Variants in PHF21A observed in about 807,000 individuals in gnomAD.
The protein encoded by PHF21A is BHC80a.
A neutral mutation model predicts 82.5 loss-of-function variants in PHF21A; 11 were observed. The observed-to-expected ratio is 0.13, with a 90% CI of 0.08 to 0.22. The LOEUF is 0.22. PHF21A is among the 10% of genes least tolerant of loss of function. PHF21A has a pLI of 1.00. For missense variants in PHF21A, 579 were observed against 837.8 expected (o/e 0.69, Z 3.81); for synonymous variants, 297 against 302.8 (o/e 0.98, Z 0.20).
chr11:45,980,822 C>T (rs1460963330), intron 6 of PHF21A, among the ~76,000 whole-genome samples: 1 of 152,166 alleles, frequency 6.6e-6, no homozygotes, highest in Non-Finnish European at 1.5e-5. Flanking sequence ...ATAAACAACA[C>T]ATTCTAAATT....
At position 45,938,213 on chromosome 11, in the gene PHF21A, G is replaced by T. The variant is rs760258324; in HGVS notation, c.1552C>A (p.Pro518Thr). The change falls in exon 16 of 19, where the codon CCC becomes ACC. Residue 518 changes from proline to threonine, a missense_variant. Pro to Thr is a conservative substitution (Grantham distance 38). Transcript: ENST00000676320. ...CCCTTGGGAATTGTTTTCAGAGGGGGGTCTAAGCAGTCCAAATGATATACA... is the reference window on the plus strand; with the variant it reads ...CCCTTGGGAATTGTTTTCAGAGGGGTGTCTAAGCAGTCCAAATGATATACA... ...SRVYHLDCLDPPLKTIPKGMW... is the reference protein window; with the variant it reads ...SRVYHLDCLDTPLKTIPKGMW... 6.2e-7 allele frequency: 1 copy of T among 1,608,792 alleles called. No individual in the cohort carries two copies. Among genetic ancestry groups the T allele is most frequent in the Non-Finnish European group, 8.5e-7 (1 of 1,177,826 alleles).
chr11:46,082,505 T>C (rs1229602310), intron 4 of PHF21A, among the ~76,000 whole-genome samples: 1 of 152,210 alleles, frequency 6.6e-6, no homozygotes, highest in African/African-American at 2.4e-5. Context: ...TAAAATATTA[T>C]TGACATATAA....
rs139491575 is a variant in PHF21A at position 45,965,458 on chromosome 11, C to T, written c.853G>A (p.Val285Ile). The T allele has an allele frequency of 7.9e-5, 127 of 1,613,714 alleles. No individual in the cohort carries two copies. Among genetic ancestry groups the T allele is most frequent in the Non-Finnish European group, 1.1e-4 (125 of 1,179,968 alleles). The change falls in exon 10 of 19, where the codon GTC becomes ATC. Residue 285 changes from valine to isoleucine, a missense_variant. Val to Ile is a conservative substitution (Grantham distance 29). Around this residue, in one of 3 missense-constraint regions of PHF21A, gnomAD observed 410 missense variants for 642.1 expected, o/e 0.64. Coordinates refer to ENST00000676320, the MANE Select transcript of PHF21A (RefSeq NM_001352027.3). ...LPTSQNSIHPVRVVNGQTATI... is the reference protein window; with the variant it reads ...LPTSQNSIHPIRVVNGQTATI... ...GCAGTCTGCCCATTGACGACACGGA[C>T]GGGGTGGATGGAATTCTGGGATGTG...
chr11:45,973,200 G>A (rs78361352), intron 7 of PHF21A, among the ~76,000 whole-genome samples: 3,159 of 152,254 alleles, frequency 0.021, 104 homozygotes, highest in African/African-American at 0.07. Context: ...GTCAAAAGTC[G>A]CATGTGGTTA....
At chr11:46,096,752 G>T (rs2097002513) in intron 1 of PHF21A, among the ~76,000 whole-genome samples, 1 of 150,558 alleles carries the variant, frequency 6.6e-6, no homozygotes, top group South Asian at 2.1e-4. Context: ...GCTATAGAAG[G>T]ATCTACACAC....
At chr11:45,968,918 C>T (rs891583552) in intron 9 of PHF21A, among the ~76,000 whole-genome samples, 6 of 119,666 alleles carry the variant, frequency 5.0e-5, no homozygotes, top group African/African-American at 1.7e-4. Context: ...GCGATGGGAG[C>T]GAAACTCCAT....
intron 18 of PHF21A, chr11:45,935,155 A>C: frequency 7.8e-7 from 1 of 1,289,560 alleles, no homozygotes; most frequent in Middle Eastern, 2.1e-4. Context: ...CCGCTTCCTC[A>C]CACTGGTCAG....
chr11:45,946,011 C>G lies in PHF21A; in HGVS notation c.1289-8G>C. 6.2e-7 allele frequency: 1 copy of G among 1,613,684 alleles called. No individual in the cohort carries two copies. The highest frequency in any genetic ancestry group is 1.6e-4 in the Middle Eastern group (1 of 6,062). On this transcript the variant is annotated splice_region_variant and splice_polypyrimidine_tract_variant and intron_variant, in intron 14 of 18. Coordinates refer to ENST00000676320, the MANE Select transcript of PHF21A (RefSeq NM_001352027.3). ...TGTATTTTGGAGGACGACCTATATA[C>G]CAAGAGAAGGGAACAAAAGGGAAAA... is the stretch of plus-strand genomic sequence containing the variant.
At chr11:45,943,236 C>A (rs917828465) in intron 15 of PHF21A, among the ~76,000 whole-genome samples, 5 of 151,688 alleles carry the variant, frequency 3.3e-5, no homozygotes, top group African/African-American at 7.3e-5. Context: ...GATCCTCCCA[C>A]CTCAGCCTTG....
intron 6 of PHF21A, among the ~76,000 whole-genome samples, chr11:46,062,612 T>G (rs2096548689): frequency 6.6e-6 from 1 of 152,176 alleles, no homozygotes; most frequent in Non-Finnish European, 1.5e-5. Context: ...TGTTCTGACT[T>G]GCACATTAGC....
intron 11 of PHF21A, 152 bp downstream of exon 11, chr11:45,953,375 T>C (rs904285077): frequency 5.9e-5 from 37 of 631,788 alleles, no homozygotes; most frequent in Non-Finnish European, 1.1e-4. Flanking sequence ...TAGACCAATC[T>C]GACTTGGCAA....
chr11:46,022,196 T>C (rs10838541), intron 6 of PHF21A, among the ~76,000 whole-genome samples: 44,992 of 152,086 alleles, frequency 0.3, 7,460 homozygotes, highest in East Asian at 0.77. Context: ...CTCATCCCTG[T>C]AATTCCAGCA....
At chr11:46,057,809 C>A (rs1201530985) in intron 6 of PHF21A, among the ~76,000 whole-genome samples, 2 of 152,154 alleles carry the variant, frequency 1.3e-5, no homozygotes, top group East Asian at 3.9e-4. Context: ...TAGATGAGAG[C>A]CGACTCAGAG....
intron 14 of PHF21A, among the ~76,000 whole-genome samples, chr11:45,946,529 G>A (rs530035843): frequency 9.2e-5 from 14 of 152,122 alleles, no homozygotes; most frequent in Non-Finnish European, 1.6e-4. Flanking sequence ...GACAACAGGC[G>A]TGTGCCCAGC....
At chr11:46,040,540 T>C (rs2096112389) in intron 6 of PHF21A, among the ~76,000 whole-genome samples, 1 of 152,154 alleles carries the variant, frequency 6.6e-6, no homozygotes, top group Non-Finnish European at 1.5e-5. Context: ...AGTAAAAGAC[T>C]GGATTACTCA....
chr11:46,110,766 A>G (rs1427110861), intron 1 of PHF21A, among the ~76,000 whole-genome samples: 1 of 151,610 alleles, frequency 6.6e-6, no homozygotes, highest in African/African-American at 2.4e-5. Flanking sequence ...AATCTATTTA[A>G]TGTCTAATCT....
chr11:46,050,314 T>C (rs910123205), intron 6 of PHF21A, among the ~76,000 whole-genome samples: 2 of 152,216 alleles, frequency 1.3e-5, no homozygotes, highest in South Asian at 2.1e-4. Context: ...CTAATACCAC[T>C]GGGTCTTGTT....
chr11:46,068,052 A>G (rs908101650), intron 6 of PHF21A, among the ~76,000 whole-genome samples: 4 of 152,144 alleles, frequency 2.6e-5, no homozygotes, highest in African/African-American at 4.8e-5. Flanking sequence ...ATGTGTGAAG[A>G]AGGCACAGTC....
At chr11:45,950,301 C>T (rs765744826) in intron 11 of PHF21A, 44 bp from the exon 12 acceptor site, 159 of 1,566,956 alleles carry the variant, frequency 1.0e-4, no homozygotes, top group Non-Finnish European at 1.3e-4. Context: ...AGTCTGGGTT[C>T]TCACAAAGCC....
Sources: gnomAD v4.1 joint callset for allele counts (sites outside exome capture counted in the v4.1 genomes callset) on GRCh38, gnomAD v4.1.1 for gene constraint, gnomAD v4.1.1 regional missense constraint, MANE v1.5 for transcripts, NCBI Gene and HGNC (gene_info 2026-07-23, HGNC 2026-07-21) for gene names.